Variants in IL1RAPL2 observed in about 807,000 individuals in gnomAD.
IL1RAPL2 encodes the protein X-linked interleukin-1 receptor accessory protein-like 2.
Under a neutral mutation model 44.1 loss-of-function variants are expected in IL1RAPL2, and 3 were observed. The ratio of observed to expected loss-of-function variants is 0.07; its 90% CI spans 0.03 to 0.18. IL1RAPL2 has a LOEUF of 0.18. Among genes scored for constraint, IL1RAPL2 ranks in the 10% least tolerant of loss-of-function variants. The pLI is 1.00. For synonymous variants in IL1RAPL2, 181 were observed against 178.8 expected, an observed-to-expected ratio of 1.01 and a Z score of -0.10; for missense variants, 391 against 496.4, an observed-to-expected ratio of 0.79 and a Z score of 2.02.
intron 5 of IL1RAPL2, among the ~76,000 whole-genome samples, chrX:105,382,601 C>T (rs1415506823): frequency 9.7e-6 from 1 of 103,618 alleles, no homozygotes; most frequent in Non-Finnish European, 1.9e-5. Flanking sequence ...ACCATTTGAC[C>T]CAGCCATCCC....
chrX:104,636,808 C>G (rs757609407), intron 1 of IL1RAPL2, among the ~76,000 whole-genome samples: 1 of 112,210 alleles, frequency 8.9e-6, no homozygotes, highest in African/African-American at 3.2e-5. Flanking sequence ...GGCGATGCCT[C>G]GCCCTGCTTT....
intron 8 of IL1RAPL2, among the ~76,000 whole-genome samples, chrX:105,747,448 TTCTCTCTCTC>T (rs746410456): frequency 2.4e-4 from 20 of 84,651 alleles, no homozygotes; most frequent in African/African-American, 6.9e-4. Context: ...TGATTGGCTG[TTCTCTCTCTC>T]TCTCTCTCTC....
chrX:104,897,133 A>G (rs1923675780), intron 2 of IL1RAPL2, among the ~76,000 whole-genome samples: 1 of 112,169 alleles, frequency 8.9e-6, no homozygotes, highest in Non-Finnish European at 1.9e-5. Flanking sequence ...GGACACAGTA[A>G]TATAGATGAC....
intron 5 of IL1RAPL2, 105 bp from the exon 6 acceptor site, chrX:105,484,208 C>A: frequency 3.3e-6 from 2 of 602,165 alleles, no homozygotes; most frequent in Non-Finnish European, 5.6e-6. Flanking sequence ...TAAATGTTTA[C>A]ACACCATCAA....
At chrX:105,359,609 A>G (rs1005053678) in intron 5 of IL1RAPL2, among the ~76,000 whole-genome samples, 1 of 110,906 alleles carries the variant, frequency 9.0e-6, no homozygotes, top group African/African-American at 3.3e-5. Flanking sequence ...TTTCTGCTAC[A>G]CCATGTTCAT....
intron 2 of IL1RAPL2, among the ~76,000 whole-genome samples, chrX:104,679,819 G>A (rs745710900): frequency 9.0e-6 from 1 of 111,484 alleles, no homozygotes; most frequent in East Asian, 2.8e-4. Flanking sequence ...GCATCACTTT[G>A]CATAAAATTA....
intron 2 of IL1RAPL2, among the ~76,000 whole-genome samples, chrX:105,067,345 T>C (rs2147535777): frequency 9.0e-6 from 1 of 111,352 alleles, no homozygotes; most frequent in East Asian, 2.9e-4. Flanking sequence ...AAGTGGAGCC[T>C]GAGCATCTGC....
At chrX:105,532,952 G>A (rs1266073194) in intron 6 of IL1RAPL2, among the ~76,000 whole-genome samples, 1 of 110,701 alleles carries the variant, frequency 9.0e-6, no homozygotes, top group Non-Finnish European at 1.9e-5. Flanking sequence ...AGCACTTTGG[G>A]AGGCCGAGGC....
intron 2 of IL1RAPL2, among the ~76,000 whole-genome samples, chrX:104,800,360 G>C (rs1432096508): frequency 9.1e-6 from 1 of 109,990 alleles, no homozygotes; most frequent in African/African-American, 3.3e-5. Context: ...ATCATGCCAG[G>C]TATTTAAAAA....
intron 2 of IL1RAPL2, among the ~76,000 whole-genome samples, chrX:104,844,173 T>C (rs1416977372): frequency 1.8e-5 from 2 of 110,968 alleles, no homozygotes; most frequent in Non-Finnish European, 3.8e-5. Flanking sequence ...ATTCCTTTCT[T>C]TTCTGGAAGT....
At chrX:105,531,025 G>A (rs1307748193) in intron 6 of IL1RAPL2, among the ~76,000 whole-genome samples, 2 of 111,792 alleles carry the variant, frequency 1.8e-5, no homozygotes, top group African/African-American at 6.5e-5. Context: ...ATTGTGAACA[G>A]TGCTGCAACA....
chrX:104,819,188 C>T (rs1921232401), intron 2 of IL1RAPL2, among the ~76,000 whole-genome samples: 1 of 112,238 alleles, frequency 8.9e-6, no homozygotes, highest in South Asian at 3.7e-4. Flanking sequence ...CCAGATAAAC[C>T]AATCGTAAAT....
In IL1RAPL2 at chrX:104,823,345, C is replaced by T. The variant is rs192341594; in HGVS notation, c.82+164350C>T. On this transcript the variant is annotated intron_variant, in intron 2 of 10. Coordinates refer to ENST00000372582, the MANE Select transcript of IL1RAPL2 (RefSeq NM_017416.2). ...GTTCCCACCTATGAGTGACAATATG[C>T]GGTGTTTGGTTTTTTGTTCTTGTGA... 4.3e-3 allele frequency among the ~76,000 whole-genome samples: 478 copies of T among 110,659 alleles called. 1 individual carries two copies. Among genetic ancestry groups the T allele is most frequent in the African/African-American group, 0.015 (443 of 30,397 alleles).
chrX:104,990,174 C>T (rs776773243), intron 2 of IL1RAPL2, among the ~76,000 whole-genome samples: 5 of 112,046 alleles, frequency 4.5e-5, no homozygotes, highest in African/African-American at 1.3e-4. Context: ...CAAATTGGGC[C>T]GATGTGTATC....
intron 6 of IL1RAPL2, among the ~76,000 whole-genome samples, chrX:105,622,278 AAAT>A (rs374952697): frequency 0.43 from 42,306 of 99,212 alleles, 8,621 homozygotes; most frequent in African/African-American, 0.71. Context: ...AAGTCAATAA[AAAT>A]AATAATAATA....
At chrX:105,219,733 T>C (rs1320009862) in intron 3 of IL1RAPL2, 2 of 1,203,626 alleles carry the variant, frequency 1.7e-6, no homozygotes, top group Non-Finnish European at 2.2e-6. Flanking sequence ...TGCCCCCTGC[T>C]CCCACTCATG....
chrX:105,598,501 G>A (rs2037228201), intron 6 of IL1RAPL2, among the ~76,000 whole-genome samples: 1 of 111,416 alleles, frequency 9.0e-6, no homozygotes, highest in African/African-American at 3.3e-5. Context: ...ATGCTAAATT[G>A]TTAACCTGTA....
chrX:104,685,987 C>T (rs1471610356), intron 2 of IL1RAPL2, among the ~76,000 whole-genome samples: 3 of 109,436 alleles, frequency 2.7e-5, no homozygotes, highest in Non-Finnish European at 5.7e-5. Context: ...AAAAAAAGAA[C>T]ATCCACATAG....
At position 104,704,352 on chromosome X, in the gene IL1RAPL2, G is replaced by A. The variant is rs1474283812; in HGVS notation, c.82+45357G>A. Among the ~76,000 whole-genome samples the A allele has an allele frequency of 6.3e-5, 7 of 111,626 alleles. No homozygotes were observed. In the East Asian group the frequency reaches 2.0e-3, roughly 32 times the overall value. Reference sequence around the variant, plus strand: ...GTGGCAGAAACGCTAGATGAGCCTGGGGGCAGGAGGGTTGTGGTAGTGGTG... The same window carrying A: ...GTGGCAGAAACGCTAGATGAGCCTGAGGGCAGGAGGGTTGTGGTAGTGGTG... On this transcript the variant is annotated intron_variant, in intron 2 of 10. Transcript: ENST00000372582.
Sources: gnomAD v4.1 joint callset for allele counts (sites outside exome capture counted in the v4.1 genomes callset) on GRCh38, gnomAD v4.1.1 for gene constraint, MANE v1.5 for transcripts, NCBI Gene and HGNC (gene_info 2026-07-23, HGNC 2026-07-21) for gene names.